Variants in MYO18B observed in about 807,000 individuals in gnomAD.
The protein encoded by MYO18B is unconventional myosin-XVIIIb.
A neutral mutation model predicts 273.0 loss-of-function variants in MYO18B; 204 were observed. The observed-to-expected ratio is 0.75, with a 90% CI of 0.67 to 0.84. The LOEUF (loss-of-function observed/expected upper bound fraction) is 0.84. Ranked by LOEUF, MYO18B falls within the 40% of genes least tolerant of loss-of-function variation. The pLI is 0.00. For synonymous variants in MYO18B, 1,330 were observed against 1,305.7 expected, an observed-to-expected ratio of 1.02 and a Z score of -0.40; for missense variants, 3,212 against 3,287.6, an observed-to-expected ratio of 0.98 and a Z score of 0.56.
chr22:25,953,579 A>C (rs2092816322), intron 38 of MYO18B: 1 of 152,068 alleles, frequency 6.6e-6, no homozygotes, highest in Non-Finnish European at 1.5e-5. Flanking sequence ...CTTTGCTTTG[A>C]CCCTCAGTGG....
intron 2 of MYO18B, among the ~76,000 whole-genome samples, chr22:25,762,604 C>G (rs886643571): frequency 3.3e-5 from 5 of 152,254 alleles, no homozygotes; most frequent in Non-Finnish European, 7.3e-5. Context: ...TCCAACCTGC[C>G]TGTTCTAGGA....
intron 1 of MYO18B, among the ~76,000 whole-genome samples, chr22:25,754,574 C>G (rs1268790925): frequency 1.3e-5 from 2 of 152,068 alleles, no homozygotes; most frequent in Non-Finnish European, 2.9e-5. Flanking sequence ...AGCCTCTCTC[C>G]CCTTTAAGGG....
chr22:25,835,263 G>C, intron 16 of MYO18B, 33 bp from the exon 17 acceptor site: 1 of 1,605,258 alleles, frequency 6.2e-7, no homozygotes, highest in South Asian at 1.1e-5. Context: ...ATGGGTATCA[G>C]GGCCCTTCAG....
intron 17 of MYO18B, among the ~76,000 whole-genome samples, chr22:25,836,946 G>A (rs918484881): frequency 1.3e-5 from 2 of 149,854 alleles, no homozygotes; most frequent in African/African-American, 2.4e-5. Context: ...TGGACAACAA[G>A]AGTGAAATTC....
At position 25,847,670 on chromosome 22, in the gene MYO18B, C is replaced by G. The variant is rs994459397; in HGVS notation, c.3775+18C>G. On this transcript the variant is annotated intron_variant, in intron 20 of 43. Coordinates refer to ENST00000335473, the MANE Select transcript of MYO18B (RefSeq NM_032608.7). ...TAGGACAGGTAAGAGACAGCTAGGA[C>G]ACAGCACCTTGTCTCTGACTCCTGG... The G allele has an allele frequency of 7.2e-6, 11 of 1,530,610 alleles. No individual in the cohort carries two copies. The African/African-American group carries it at 8.3e-5, about 11-fold the overall frequency. The allele number at this position is 1,530,610 out of a possible 1,614,324, so 94.8% of individuals were successfully genotyped here.
chr22:25,887,460 G>A (rs1304258302), intron 25 of MYO18B, among the ~76,000 whole-genome samples: 1 of 152,076 alleles, frequency 6.6e-6, no homozygotes, highest in Non-Finnish European at 1.5e-5. Flanking sequence ...TCTCTGGCAG[G>A]CCCTTGGAGT....
At chr22:25,844,928 G>T (rs1364318991) in intron 18 of MYO18B, among the ~76,000 whole-genome samples, 19 of 152,202 alleles carry the variant, frequency 1.2e-4, no homozygotes. Flanking sequence ...CATCTCGGTT[G>T]TTTCTGCTTC....
chr22:25,842,186 G>T lies in MYO18B; in HGVS notation c.3209-1549G>T, dbSNP rs533797522. On this transcript the variant is annotated intron_variant, in intron 17 of 43. Transcript: ENST00000335473. ...GCAGACTCTCACACTGCTGTATTTT[G>T]CAGAGAGTTCCAAGAAATGCAGGTC... is the stretch of plus-strand genomic sequence containing the variant. Among the ~76,000 whole-genome samples, 4 of 152,352 alleles carry T rather than the reference G, an allele frequency of 2.6e-5. No homozygotes were observed. The East Asian group carries it at 5.8e-4, about 22-fold the overall frequency.
chr22:25,948,513 T>TTCC (rs55805517), intron 36 of MYO18B, among the ~76,000 whole-genome samples: 2 of 127,518 alleles, frequency 1.6e-5, no homozygotes, highest in African/African-American at 6.4e-5. Context: ...CTCTTTTCTC[T>TTCC]TTCCTTCTTT....
chr22:25,929,037 C>A (rs551549324), intron 34 of MYO18B, among the ~76,000 whole-genome samples: 229 of 152,068 alleles, frequency 1.5e-3, no homozygotes, highest in African/African-American at 5.5e-3. Context: ...TGGCGCATGC[C>A]TGTAATCCCA....
chr22:26,061,006 TACACACACAC>T, the MYO18B span, among the ~76,000 whole-genome samples: 1 of 118,058 alleles, frequency 8.5e-6, no homozygotes, highest in Non-Finnish European at 1.7e-5. Flanking sequence ...TGCACACACA[TACACACACAC>T]ACACACACAC....
the MYO18B span, among the ~76,000 whole-genome samples, chr22:26,043,678 T>C: frequency 1.3e-5 from 2 of 148,744 alleles, no homozygotes; most frequent in African/African-American, 4.9e-5. Context: ...GTCCGGCTAA[T>C]TTTTTTTTTG....
chr22:25,760,877 T>C, intron 1 of MYO18B, 107 bp from the exon 2 acceptor site: 1 of 604,320 alleles, frequency 1.7e-6, no homozygotes. Flanking sequence ...CTGTGCCCAT[T>C]CCCCCATGTG....
rs1266275677 is a variant in MYO18B, at chr22:25,877,985, G to C, written c.4251G>C (p.Lys1417Asn). The change falls in exon 25 of 44, where the codon AAG becomes AAC. Residue 1417 changes from lysine (K) to asparagine (N), a missense_variant. Lys to Asn is a moderately conservative substitution (Grantham distance 94). Coordinates refer to ENST00000335473, the MANE Select transcript of MYO18B (RefSeq NM_032608.7). The part of the protein sequence containing the change: ...KEEELTTLRR[K>N]LEKSEKLRNE... ...AGGAGCTTACAACGCTAAGACGGAA[G>C]CTAGAAAAATCAGAGAAGTTGCGGA... 1 of 1,581,214 alleles carries C rather than the reference G, an allele frequency of 6.3e-7. No individual in the cohort carries two copies. Among genetic ancestry groups the C allele is most frequent in the Non-Finnish European group, 8.6e-7 (1 of 1,163,150 alleles).
intron 31 of MYO18B, among the ~76,000 whole-genome samples, chr22:25,906,027 T>A (rs1569175669): frequency 6.6e-6 from 1 of 152,210 alleles, no homozygotes; most frequent in Non-Finnish European, 1.5e-5. Flanking sequence ...TGTATTACCA[T>A]GGCCTCAGGG....
At chr22:26,042,045 G>A in the MYO18B span, among the ~76,000 whole-genome samples, 1 of 152,222 alleles carries the variant, frequency 6.6e-6, no homozygotes, top group Non-Finnish European at 1.5e-5. Context: ...CAGAGAAGGC[G>A]AGGCCTGTGC....
At chr22:25,881,792 A>G (rs1326569813) in intron 25 of MYO18B, among the ~76,000 whole-genome samples, 2 of 152,220 alleles carry the variant, frequency 1.3e-5, no homozygotes, top group African/African-American at 4.8e-5. Context: ...CATGGTTACA[A>G]CAAGATGTAT....
chr22:25,796,430 A>C (rs762558202), intron 11 of MYO18B, among the ~76,000 whole-genome samples: 3 of 151,896 alleles, frequency 2.0e-5, no homozygotes, highest in African/African-American at 2.4e-5. Flanking sequence ...AAAAAAAATG[A>C]TAATAATAAA....
chr22:26,041,352 CAAAAAAAAAAA>C, the MYO18B span, among the ~76,000 whole-genome samples: 1,425 of 62,202 alleles, frequency 0.023, 25 homozygotes, highest in Non-Finnish European at 0.035. Flanking sequence ...CTGTCTCTAC[CAAAAAAAAAAA>C]AAAAAAAAAC....
Sources: allele counts gnomAD v4.1 joint callset (sites outside exome capture counted in the v4.1 genomes callset), GRCh38; gene constraint gnomAD v4.1.1; transcripts MANE v1.5; gene names NCBI Gene and HGNC (gene_info 2026-07-23, HGNC 2026-07-21).